Variants in LNPEP observed in about 807,000 individuals in gnomAD.
LNPEP encodes the protein leucyl and cystinyl aminopeptidase.
A neutral mutation model predicts 120.6 loss-of-function variants in LNPEP; 64 were observed. The ratio of observed to expected loss-of-function variants is 0.53; its 90% confidence interval spans 0.43 to 0.65. The LOEUF (loss-of-function observed/expected upper bound fraction) is 0.65, where lower values mean the gene tolerates loss of function less well. Among genes scored for constraint, LNPEP ranks in the 30% least tolerant of loss-of-function variants. The pLI is 0.00. For synonymous variants in LNPEP, 435 were observed against 425.4 expected, an observed-to-expected ratio of 1.02 and a Z score of -0.28; for missense variants, 1,057 against 1,200.0, an observed-to-expected ratio of 0.88 and a Z score of 1.76.
intron 1 of LNPEP, among the ~76,000 whole-genome samples, chr5:96,952,756 C>T (rs1413724097): frequency 6.6e-6 from 1 of 152,052 alleles, no homozygotes; most frequent in East Asian, 1.9e-4. Flanking sequence ...GGGTTTTCAA[C>T]AAGCTGCCCC....
At chr5:97,018,099 A>G (rs1791107947) in intron 13 of LNPEP, among the ~76,000 whole-genome samples, 2 of 152,152 alleles carry the variant, frequency 1.3e-5, no homozygotes, top group Admixed American at 6.5e-5. Context: ...GGTCATATTC[A>G]TAGGTCCCAG....
At chr5:97,003,607 A>G in intron 9 of LNPEP, 61 bp downstream of exon 9, 1 of 1,253,302 alleles carries the variant, frequency 8.0e-7, no homozygotes, top group Non-Finnish European at 1.1e-6. Flanking sequence ...TCGTCTATTT[A>G]TACTTTTTAG....
intron 1 of LNPEP, among the ~76,000 whole-genome samples, chr5:96,949,929 T>C (rs1203987768): frequency 6.6e-6 from 1 of 152,180 alleles, no homozygotes; most frequent in African/African-American, 2.4e-5. Flanking sequence ...CTTCCCTCCC[T>C]CCCTCCTTTC....
In LNPEP at chr5:97,029,911, T is replaced by A. The variant is rs1240647887; in HGVS notation, c.*1378T>A. The A allele has an allele frequency of 6.6e-6, 1 of 152,166 alleles. No homozygotes were observed. The highest frequency in any genetic ancestry group is 2.4e-5 in the African/African-American group (1 of 41,456). 9.4% of individuals were successfully genotyped at this position (152,166 alleles called of 1,614,324 possible). ...ACCTAGATTGTTGTGTTTCTTTGAT[T>A]CTTAGGAGAAAAGCTTTCTTCCTAA... On this transcript the variant is annotated 3_prime_UTR_variant, in exon 18 of 18. Coordinates refer to ENST00000231368, the MANE Select transcript of LNPEP (RefSeq NM_005575.3).
chr5:96,984,396 A>T (rs1790194194), intron 2 of LNPEP, among the ~76,000 whole-genome samples: 1 of 152,030 alleles, frequency 6.6e-6, no homozygotes, highest in African/African-American at 2.4e-5. Flanking sequence ...ACTTAATCTA[A>T]ATGGGTCCAG....
In LNPEP at chr5:96,959,126, C is replaced by T. The variant is rs114712662; in HGVS notation, c.20-20012C>T. ...AAGGACCCCTGTGATTGTATTGGGC[C>T]GTCCTGGATAATCTTTCCATCTCAA... On this transcript the variant is annotated intron_variant, in intron 1 of 17. Transcript: ENST00000231368. Among the ~76,000 whole-genome samples, 621 of 152,182 alleles carry T rather than the reference C, an allele frequency of 4.1e-3. 6 individuals are homozygous for T. The highest frequency in any genetic ancestry group is 0.014 in the African/African-American group (580 of 41,518).
intron 14 of LNPEP, among the ~76,000 whole-genome samples, chr5:97,024,140 C>G (rs1285744163): frequency 6.6e-6 from 1 of 152,146 alleles, no homozygotes. Flanking sequence ...TCCCTGCACC[C>G]CATTTACTGC....
chr5:96,984,848 C>G (rs1207040691), intron 2 of LNPEP, among the ~76,000 whole-genome samples: 1 of 152,220 alleles, frequency 6.6e-6, no homozygotes, highest in Non-Finnish European at 1.5e-5. Flanking sequence ...TCTTCAACCT[C>G]TAGTCAGAAT....
chr5:96,971,274 T>G (rs1041780387), intron 1 of LNPEP, among the ~76,000 whole-genome samples: 2 of 151,846 alleles, frequency 1.3e-5, no homozygotes, highest in African/African-American at 4.8e-5. Context: ...GTTTCCAGGT[T>G]CTCTTAAAGG....
chr5:97,024,827 C>CTACA (rs1791300481), intron 15 of LNPEP, 145 bp downstream of exon 15: 1 of 656,162 alleles, frequency 1.5e-6, no homozygotes, highest in South Asian at 2.2e-5. Flanking sequence ...GGTGAGGAGA[C>CTACA]TACAGGTGCT....
At chr5:96,989,345 AATATATTATATATTATATATAATT>A (rs1790328178) in intron 4 of LNPEP, among the ~76,000 whole-genome samples, 3 of 22,170 alleles carry the variant, frequency 1.4e-4, no homozygotes, top group Admixed American at 7.6e-4. Context: ...TATAATATAT[AATATATTATATATTATATATAATT>A]ATATATTATA....
chr5:96,954,625 T>TATATATACATATATAC (rs57979341), intron 1 of LNPEP, among the ~76,000 whole-genome samples: 1 of 121,386 alleles, frequency 8.2e-6, no homozygotes, highest in Admixed American at 8.2e-5. Flanking sequence ...TCTCTATATA[T>TATATATACATATATAC]ATATATACAT....
At chr5:97,012,138 A>G (rs1471244857) in intron 11 of LNPEP, among the ~76,000 whole-genome samples, 7 of 152,202 alleles carry the variant, frequency 4.6e-5, no homozygotes, top group African/African-American at 1.7e-4. Context: ...AATAGATTGG[A>G]TAAACTTGAA....
At chr5:96,959,933 C>CTTTTTTT (rs11316262) in intron 1 of LNPEP, among the ~76,000 whole-genome samples, 1 of 113,202 alleles carries the variant, frequency 8.8e-6, no homozygotes, top group Non-Finnish European at 1.8e-5. Context: ...TAAAATTTAT[C>CTTTTTTT]TTTTTTTTTT....
In LNPEP at chr5:97,024,554, A is replaced by AAACT; in HGVS notation, c.2595_2596insAACT (p.Val866AsnfsTer7). Reference sequence around the variant, plus strand: ...CTGATGTCATGACAACTGTGTTCAAAGTTGGAGCAAAAACTGACAAAGGCT... The same window carrying AAACT: ...CTGATGTCATGACAACTGTGTTCAAAAACTGTTGGAGCAAAAACTGACAAAGGCT... On this transcript the variant is annotated frameshift_variant, in exon 15 of 18. Coordinates refer to ENST00000231368, the MANE Select transcript of LNPEP (RefSeq NM_005575.3). LOFTEE classifies it high-confidence loss of function. 1 of 1,614,100 alleles carries AAACT rather than the reference A, an allele frequency of 6.2e-7. No individual in the cohort carries two copies.
At chr5:96,980,069 A>ATT (rs574179152) in intron 2 of LNPEP, 91 bp downstream of exon 2, 178 of 1,072,904 alleles carry the variant, frequency 1.7e-4, no homozygotes, top group Non-Finnish European at 2.1e-4. Context: ...ACGAATTGTG[A>ATT]TTTTTTTTTT....
chr5:97,020,675 G>T (rs376465497), intron 13 of LNPEP, among the ~76,000 whole-genome samples: 1 of 152,048 alleles, frequency 6.6e-6, no homozygotes, highest in Non-Finnish European at 1.5e-5. Context: ...GGTGGCGGGC[G>T]CTTGTAGTCC....
chr5:96,993,230 G>T, intron 5 of LNPEP, 95 bp downstream of exon 5: 5 of 930,786 alleles, frequency 5.4e-6, no homozygotes, highest in Non-Finnish European at 6.3e-6. Flanking sequence ...CAAGTTGTTT[G>T]CAGAGAAAAC....
chr5:96,969,742 G>GTT (rs75401813), intron 1 of LNPEP, among the ~76,000 whole-genome samples: 1 of 144,914 alleles, frequency 6.9e-6, no homozygotes. Context: ...TTTTTGCCCT[G>GTT]TTTTTTTTTT....
Sources: allele counts gnomAD v4.1 joint callset (sites outside exome capture counted in the v4.1 genomes callset), GRCh38; gene constraint gnomAD v4.1.1; transcripts MANE v1.5; gene names NCBI Gene and HGNC (gene_info 2026-07-23, HGNC 2026-07-21).